PCNT: variants seen among roughly 807,000 people sequenced by gnomAD.
PCNT encodes pericentrin.
In PCNT, 319 loss-of-function variants were observed where a neutral mutation model predicts 380.4. The observed-to-expected ratio is 0.84, with a 90% confidence interval of 0.77 to 0.92. The LOEUF is 0.92. Ranked by LOEUF, PCNT falls within the 40% of genes least tolerant of loss-of-function variation. PCNT has a pLI of 0.00. For missense variants in PCNT, 4,400 were observed against 4,255.3 expected, an observed-to-expected ratio of 1.03 and a Z score of -0.95; for synonymous variants, 1,845 against 1,735.2, an observed-to-expected ratio of 1.06 and a Z score of -1.57.
rs1404141139 is a variant in PCNT at position 46,381,921 on chromosome 21, A to C, written c.3312+81A>C. 4 of 1,402,252 alleles carry C rather than the reference A, an allele frequency of 2.9e-6. No individual in the cohort carries two copies. The East Asian group carries it at 9.1e-5, about 32-fold the overall frequency. The allele number at this position is 1,402,252 out of a possible 1,614,324, so 86.9% of individuals were successfully genotyped here. On this transcript the variant is annotated intron_variant, in intron 16 of 46. Transcript: ENST00000359568. ...TTCACTTTATTTCAGTGCACAGTTC[A>C]GTGGCAGGAGTGCACTCATGGTGTT...
chr21:46,350,091 A>G (rs766482637), intron 8 of PCNT, among the ~76,000 whole-genome samples: 2 of 152,142 alleles, frequency 1.3e-5, no homozygotes, highest in Non-Finnish European at 2.9e-5. Context: ...AGGCACGAGA[A>G]TCGCTTGAAC....
At chr21:46,350,682 C>T (rs907305219) in intron 8 of PCNT, among the ~76,000 whole-genome samples, 5 of 152,282 alleles carry the variant, frequency 3.3e-5, no homozygotes, top group African/African-American at 4.8e-5. Flanking sequence ...TTGTGTCTCC[C>T]AGCGGGACTC....
Position 46,425,266 on chromosome 21 carries a change from C to G in PCNT, c.7180-565C>G, listed in dbSNP as rs945591956. 6.6e-6 allele frequency among the ~76,000 whole-genome samples: 1 copy of G among 152,194 alleles called. No homozygotes were observed. The highest frequency in any genetic ancestry group is 1.5e-5 in the Non-Finnish European group (1 of 68,030). ...GTAATCGGTGGGATAAAGCAGCCGC[C>G]TCGTGTTCACAGACCTGTGGGCAGG... On this transcript the variant is annotated intron_variant, in intron 32 of 46. Transcript: ENST00000359568. The surrounding 1 kb of genome is among the most constrained non-coding windows in gnomAD (Gnocchi z 4.2).
At chr21:46,433,319 G>GT (rs1388409965) in intron 38 of PCNT, among the ~76,000 whole-genome samples, 3 of 152,270 alleles carry the variant, frequency 2.0e-5, no homozygotes, top group Admixed American at 6.5e-5. Flanking sequence ...CAAGGCGGAG[G>GT]TTGCAGTGAG....
chr21:46,335,685 T>G (rs373629521), intron 3 of PCNT, among the ~76,000 whole-genome samples: 82 of 150,056 alleles, frequency 5.5e-4, no homozygotes, highest in Middle Eastern at 3.2e-3. Flanking sequence ...TTTTGGTTTT[T>G]GGGGTTTTTT....
intron 15 of PCNT, among the ~76,000 whole-genome samples, chr21:46,379,008 C>A (rs899516252): frequency 6.6e-6 from 1 of 152,204 alleles, no homozygotes; most frequent in Non-Finnish European, 1.5e-5. Context: ...TCGTTTCTTC[C>A]TGGAAATTCA....
At position 46,344,167 on chromosome 21, in the gene PCNT, G is replaced by A. The variant is rs533364576; in HGVS notation, c.640-1961G>A. On this transcript the variant is annotated intron_variant, in intron 3 of 46. Transcript: ENST00000359568. ...GCAAGCTCTGCCGGGTCTGCCTCCC[G>A]GGTTCATGCCATTCTCCTGCCTCAG... Among the ~76,000 whole-genome samples the A allele has an allele frequency of 2.7e-4, 41 of 151,548 alleles. No homozygotes were observed. The East Asian group carries it at 4.1e-3, about 15-fold the overall frequency.
chr21:46,360,742 TCTC>T (rs2084684500), intron 13 of PCNT, among the ~76,000 whole-genome samples: 1 of 151,318 alleles, frequency 6.6e-6, no homozygotes, highest in South Asian at 2.1e-4. Context: ...ATGGTCTCAA[TCTC>T]CTGACTTCCC....
At position 46,418,241 on chromosome 21, in the gene PCNT, A is replaced by T. The variant is rs780362550; in HGVS notation, c.6959A>T (p.Asp2320Val). The T allele has an allele frequency of 1.2e-6, 2 of 1,610,118 alleles. No individual in the cohort carries two copies. The highest frequency in any genetic ancestry group is 2.2e-5 in the East Asian group (1 of 44,870). The change falls in exon 31 of 47, where the codon GAT becomes GTT. Residue 2320 changes from aspartate to valine, a missense_variant. Coordinates refer to ENST00000359568, the MANE Select transcript of PCNT (RefSeq NM_006031.6). ...GAAGATTTTATCACAACATCCTTTG[A>T]TTCTCAAGAAACATTAAGTTCACCT... Reference protein sequence around the residue: ...DVEDFITTSFDSQETLSSPPP... With the variant: ...DVEDFITTSFVSQETLSSPPP...
At chr21:46,357,296 C>G (rs1312656596) in intron 13 of PCNT, 105 bp downstream of exon 13, 5 of 830,524 alleles carry the variant, frequency 6.0e-6, no homozygotes, top group Non-Finnish European at 1.1e-5. Flanking sequence ...GGGGACAGCC[C>G]AGTGCTGTAC....
chr21:46,442,026 C>T (rs555671693), intron 43 of PCNT, among the ~76,000 whole-genome samples: 4 of 152,326 alleles, frequency 2.6e-5, no homozygotes, highest in South Asian at 2.1e-4. Context: ...GTCACCTGCA[C>T]TCTGCATGCT....
At chr21:46,328,299 G>C (rs1004714064) in intron 2 of PCNT, among the ~76,000 whole-genome samples, 6 of 141,792 alleles carry the variant, frequency 4.2e-5, no homozygotes, top group African/African-American at 1.0e-4. Context: ...CAGTCTCTCT[G>C]TTGCCCAGGC....
rs1232262234 is a variant in PCNT, at chr21:46,390,785, A to G, written c.3956A>G (p.Glu1319Gly). 2 of 1,612,586 alleles carry G rather than the reference A, an allele frequency of 1.2e-6. No homozygotes were observed. Among genetic ancestry groups the G allele is most frequent in the South Asian group, 2.2e-5 (2 of 90,950 alleles). Residue 1319 changes from glutamate (E) to glycine (G), a missense_variant, in exon 20 of 47, where the codon GAG (glutamate) becomes GGG (glycine). Coordinates refer to ENST00000359568, the MANE Select transcript of PCNT (RefSeq NM_006031.6). ...GAGCTGCTGGAGTGTTTGAAGGAGG[A>G]GAGCGCAGCAAAGGCAGAGCTGGCG... ...HQELLECLKE[E>G]SAAKAELALE... is the part of the protein sequence containing the mutation.
At position 46,416,463 on chromosome 21, in the gene PCNT, A is replaced by T. The variant is rs113105544; in HGVS notation, c.6545A>T (p.Lys2182Ile). The change falls in exon 30 of 47, where the codon AAA becomes ATA. Residue 2182 changes from lysine (K) to isoleucine (I), a missense_variant. Coordinates refer to ENST00000359568, the MANE Select transcript of PCNT (RefSeq NM_006031.6). ...DEMPDSPIQE[K>I]SECQDMSLSS... ...ATGCCAGATTCTCCCATTCAAGAAAAATCAGAATGTCAGGACATGTCTCTT... is the reference window on the plus strand; with the variant it reads ...ATGCCAGATTCTCCCATTCAAGAAATATCAGAATGTCAGGACATGTCTCTT... The T allele has an allele frequency of 6.2e-7, 1 of 1,614,196 alleles. No individual in the cohort carries two copies. The highest frequency in any genetic ancestry group is 8.5e-7 in the Non-Finnish European group (1 of 1,180,030).
chr21:46,346,006 T>C, intron 3 of PCNT, 122 bp from the exon 4 acceptor site: 1 of 905,092 alleles, frequency 1.1e-6, no homozygotes, highest in East Asian at 2.5e-5. Flanking sequence ...CCGTTGCGAG[T>C]GGTGCTGCTG....
chr21:46,391,139 C>G (rs1310477208), intron 20 of PCNT, 25 bp from the exon 21 acceptor site: 1 of 1,552,878 alleles, frequency 6.4e-7, no homozygotes, highest in South Asian at 1.2e-5. Flanking sequence ...CTGGCTTTGT[C>G]AGAGCATCTG....
chr21:46,352,492 A>C (rs142988800), intron 9 of PCNT, among the ~76,000 whole-genome samples: 160 of 152,210 alleles, frequency 1.1e-3, no homozygotes, highest in African/African-American at 3.7e-3. Context: ...GGACCCATGC[A>C]GAGAACCCCG....
intron 3 of PCNT, among the ~76,000 whole-genome samples, chr21:46,341,694 A>C (rs1161236973): frequency 6.6e-6 from 1 of 151,158 alleles, no homozygotes; most frequent in Non-Finnish European, 1.5e-5. Context: ...TTTGTTTTTT[A>C]ATTTTGAGAC....
intron 3 of PCNT, among the ~76,000 whole-genome samples, chr21:46,336,614 G>A (rs2083743846): frequency 6.6e-6 from 1 of 152,096 alleles, no homozygotes; most frequent in Non-Finnish European, 1.5e-5. Context: ...TGAGTCCGCT[G>A]TTTCTCCAAG....
Sources: allele counts gnomAD v4.1 joint callset (sites outside exome capture counted in the v4.1 genomes callset), GRCh38; gene constraint gnomAD v4.1.1; non-coding constraint Gnocchi (gnomAD v3.1); transcripts MANE v1.5; gene names NCBI Gene and HGNC (gene_info 2026-07-23, HGNC 2026-07-21).